CHSY3: variants seen among roughly 807,000 people sequenced by gnomAD.
CHSY3 encodes chondroitin sulfate synthase 3.
Under a neutral mutation model 67.2 loss-of-function variants are expected in CHSY3, and 35 were observed. The ratio of observed to expected loss-of-function variants is 0.52; its 90% CI spans 0.40 to 0.69. CHSY3 has a LOEUF of 0.69. Among genes scored for constraint, CHSY3 ranks in the 30% least tolerant of loss-of-function variants. The pLI, the probability that CHSY3 is intolerant of heterozygous loss-of-function variation, is 0.00. For synonymous variants in CHSY3, 474 were observed against 434.7 expected (o/e 1.09, Z -1.12); for missense variants, 1,069 against 1,138.5 (o/e 0.94, Z 0.88).
chr5:130,158,744 T>A (rs1205184771), intron 2 of CHSY3, among the ~76,000 whole-genome samples: 1 of 152,186 alleles, frequency 6.6e-6, no homozygotes, highest in Non-Finnish European at 1.5e-5. Flanking sequence ...TACTTAAGTA[T>A]GAACAGACAA....
chr5:130,061,456 A>G (rs78847755), intron 2 of CHSY3, among the ~76,000 whole-genome samples: 1,610 of 152,294 alleles, frequency 0.011, 50 homozygotes, highest in East Asian at 0.1. Flanking sequence ...AAAGTCACAG[A>G]AGAAAATCTG....
At chr5:130,086,509 C>T (rs1766634514) in intron 2 of CHSY3, among the ~76,000 whole-genome samples, 1 of 152,008 alleles carries the variant, frequency 6.6e-6, no homozygotes, top group Non-Finnish European at 1.5e-5. Flanking sequence ...TGTGTCTCTG[C>T]ACGTGAGATG....
At chr5:130,100,717 A>G (rs950726226) in intron 2 of CHSY3, among the ~76,000 whole-genome samples, 1 of 152,216 alleles carries the variant, frequency 6.6e-6, no homozygotes, top group Non-Finnish European at 1.5e-5. Flanking sequence ...AACTTTATGA[A>G]GTTCATTTAT....
chr5:129,994,439 CTT>C (rs1763467543), intron 2 of CHSY3, among the ~76,000 whole-genome samples: 2 of 152,086 alleles, frequency 1.3e-5, no homozygotes, highest in Non-Finnish European at 2.9e-5. Context: ...CTAAACTTCT[CTT>C]CTCTCTTCAT....
At chr5:129,929,507 G>C (rs1023289868) in intron 2 of CHSY3, among the ~76,000 whole-genome samples, 1 of 152,136 alleles carries the variant, frequency 6.6e-6, no homozygotes, top group Non-Finnish European at 1.5e-5. Context: ...CACTTGATGG[G>C]CTGTATTCTG....
chr5:129,942,674 A>G (rs1431672300), intron 2 of CHSY3, among the ~76,000 whole-genome samples: 1 of 152,118 alleles, frequency 6.6e-6, no homozygotes, highest in East Asian at 1.9e-4. Flanking sequence ...AGGTTACCTA[A>G]TATTTCTAAA....
chr5:130,135,771 T>C (rs114489016), intron 2 of CHSY3, among the ~76,000 whole-genome samples: 179 of 152,316 alleles, frequency 1.2e-3, no homozygotes, highest in African/African-American at 4.0e-3. Flanking sequence ...GTCTTGATTA[T>C]ATATTTCCTA....
At chr5:129,967,953 T>A (rs1340054688) in intron 2 of CHSY3, among the ~76,000 whole-genome samples, 1 of 151,810 alleles carries the variant, frequency 6.6e-6, no homozygotes, top group East Asian at 1.9e-4. Flanking sequence ...AGAGTATACA[T>A]AATATGATAA....
At chr5:129,909,512 A>G (rs1723671862) in intron 2 of CHSY3, among the ~76,000 whole-genome samples, 1 of 152,056 alleles carries the variant, frequency 6.6e-6, no homozygotes, top group African/African-American at 2.4e-5. Context: ...GACATATTTT[A>G]TACATTACAG....
intron 2 of CHSY3, among the ~76,000 whole-genome samples, chr5:129,972,892 T>G (rs1268839484): frequency 6.6e-6 from 1 of 152,050 alleles, no homozygotes; most frequent in Non-Finnish European, 1.5e-5. Flanking sequence ...CATAGGCCTA[T>G]CTTGCCTCCT....
At chr5:130,152,683 A>G (rs1769264416) in intron 2 of CHSY3, among the ~76,000 whole-genome samples, 1 of 152,252 alleles carries the variant, frequency 6.6e-6, no homozygotes, top group African/African-American at 2.4e-5. Context: ...TGAAAGCAAC[A>G]GATAAGAGAA....
intron 2 of CHSY3, among the ~76,000 whole-genome samples, chr5:130,135,283 TAC>T (rs1206254302): frequency 4.0e-5 from 6 of 150,708 alleles, no homozygotes; most frequent in South Asian, 2.1e-4. Flanking sequence ...TATATATATA[TAC>T]ACACACACAC....
intron 2 of CHSY3, among the ~76,000 whole-genome samples, chr5:130,155,082 C>T (rs553014862): frequency 4.6e-5 from 7 of 152,314 alleles, no homozygotes; most frequent in South Asian, 4.1e-4. Flanking sequence ...GACCGCTACT[C>T]CCTGGGACAT....
chr5:130,100,320 G>A lies in CHSY3; in HGVS notation c.1087-83909G>A, dbSNP rs193185466. 7.2e-5 allele frequency among the ~76,000 whole-genome samples: 11 copies of A among 151,824 alleles called. No homozygotes were observed. The East Asian group carries it at 2.1e-3, about 30-fold the overall frequency. On this transcript the variant is annotated intron_variant, in intron 2 of 2. Transcript: ENST00000305031. ...CTGACTCAGCCTCTCAAGTAGCTGGGGCTACAGGTGCCCACCACCATGCTT... is the reference window on the plus strand; with the variant it reads ...CTGACTCAGCCTCTCAAGTAGCTGGAGCTACAGGTGCCCACCACCATGCTT...
intron 2 of CHSY3, among the ~76,000 whole-genome samples, chr5:130,004,752 A>AAAATAATAT (rs1230279831): frequency 2.0e-5 from 3 of 152,190 alleles, no homozygotes; most frequent in African/African-American, 7.2e-5. Flanking sequence ...GACTGGATAA[A>AAAATAATAT]AAATAATATT....
At chr5:130,133,654 CCCAG>C (rs1049260429) in intron 2 of CHSY3, among the ~76,000 whole-genome samples, 45 of 151,570 alleles carry the variant, frequency 3.0e-4, no homozygotes, top group African/African-American at 1.1e-3. Context: ...CATCTGTAAT[CCCAG>C]CTACTTGGGA....
rs146352015 is a variant in CHSY3 at position 129,982,953 on chromosome 5, G to A, written c.1086+74593G>A. Among the ~76,000 whole-genome samples the A allele has an allele frequency of 3.4e-3, 519 of 152,036 alleles. 5 individuals are homozygous for A. Among genetic ancestry groups the A allele is most frequent in the African/African-American group, 0.012 (490 of 41,538 alleles). The stretch of plus-strand genomic sequence containing the variant: ...TGCATACAGTAATTGCTCAATACAT[G>A]GTGGTGTTTATTTGTAGTTAATGTT... On this transcript the variant is annotated intron_variant, in intron 2 of 2. Coordinates refer to ENST00000305031, the MANE Select transcript of CHSY3 (RefSeq NM_175856.5).
At chr5:130,100,242 C>G (rs1267003666) in intron 2 of CHSY3, among the ~76,000 whole-genome samples, 1 of 152,060 alleles carries the variant, frequency 6.6e-6, no homozygotes, top group Non-Finnish European at 1.5e-5. Flanking sequence ...AGTGCAGTCG[C>G]GCGATCTCCG....
At chr5:129,997,846 T>C (rs143263370) in intron 2 of CHSY3, among the ~76,000 whole-genome samples, 2 of 152,334 alleles carry the variant, frequency 1.3e-5, no homozygotes, top group African/African-American at 4.8e-5. Context: ...CTTACCCTTT[T>C]TCTTATGGCT....
Sources: allele counts gnomAD v4.1 joint callset (sites outside exome capture counted in the v4.1 genomes callset), GRCh38; gene constraint gnomAD v4.1.1; transcripts MANE v1.5; gene names NCBI Gene and HGNC (gene_info 2026-07-23, HGNC 2026-07-21).